The following TMEM132D variants were observed in gnomAD, a reference collection of about 807,000 sequenced individuals.
TMEM132D encodes transmembrane protein 132D, also known as mature OL transmembrane protein.
In TMEM132D, 21 loss-of-function variants were observed where a neutral mutation model predicts 62.3. That is an observed-to-expected ratio of 0.34 (90% CI 0.24 to 0.49). The LOEUF (loss-of-function observed/expected upper bound fraction) is 0.49. Ranked by LOEUF, TMEM132D falls within the 20% of genes least tolerant of loss-of-function variation. The pLI, the probability that TMEM132D is intolerant of heterozygous loss-of-function variation, is 0.99. For missense variants in TMEM132D, 1,346 were observed against 1,402.8 expected, an observed-to-expected ratio of 0.96 and a Z score of 0.65; for synonymous variants, 621 against 575.6, an observed-to-expected ratio of 1.08 and a Z score of -1.13.
chr12:129,568,666 A>C (rs2137117912), intron 2 of TMEM132D, among the ~76,000 whole-genome samples: 1 of 152,346 alleles, frequency 6.6e-6, no homozygotes, highest in East Asian at 1.9e-4. Flanking sequence ...ATTAAGCAAC[A>C]CAAACTTCTT....
At chr12:129,526,933 C>A (rs935872120) in intron 3 of TMEM132D, among the ~76,000 whole-genome samples, 8 of 152,188 alleles carry the variant, frequency 5.3e-5, no homozygotes, top group African/African-American at 1.9e-4. Context: ...GCCATTCCAG[C>A]TGTGGCCAGC....
intron 1 of TMEM132D, among the ~76,000 whole-genome samples, chr12:129,850,795 C>T (rs576875037): frequency 5.3e-5 from 8 of 152,244 alleles, no homozygotes; most frequent in East Asian, 1.9e-4. Context: ...TTGTTACCAA[C>T]GATGATTTAT....
At chr12:129,229,940 T>C (rs1177602124) in intron 4 of TMEM132D, among the ~76,000 whole-genome samples, 1 of 152,240 alleles carries the variant, frequency 6.6e-6, no homozygotes, top group Non-Finnish European at 1.5e-5. Context: ...ATACATTAAG[T>C]GCATTTTCTT....
chr12:129,241,025 C>T (rs1879922631), intron 4 of TMEM132D, among the ~76,000 whole-genome samples: 1 of 152,022 alleles, frequency 6.6e-6, no homozygotes, highest in South Asian at 2.1e-4. Flanking sequence ...CCATTTTCTC[C>T]TGCCTGTGTT....
At chr12:129,635,352 C>G (rs1879448708) in intron 2 of TMEM132D, among the ~76,000 whole-genome samples, 1 of 152,174 alleles carries the variant, frequency 6.6e-6, no homozygotes, top group Admixed American at 6.5e-5. Context: ...TCAGATTACA[C>G]AAACAACAAA....
chr12:129,895,676 C>G (rs776367135), intron 1 of TMEM132D, among the ~76,000 whole-genome samples: 2 of 152,190 alleles, frequency 1.3e-5, no homozygotes, highest in Non-Finnish European at 2.9e-5. Flanking sequence ...GACAGAGTGT[C>G]TTCATTTGTG....
intron 3 of TMEM132D, among the ~76,000 whole-genome samples, chr12:129,403,657 A>G (rs996441742): frequency 2.0e-5 from 3 of 152,156 alleles, no homozygotes; most frequent in Admixed American, 6.5e-5. Flanking sequence ...CCAGGGAAGA[A>G]CACGGGGAAA....
chr12:129,375,297 G>A (rs1423623829), intron 3 of TMEM132D, among the ~76,000 whole-genome samples: 1 of 152,206 alleles, frequency 6.6e-6, no homozygotes, highest in Non-Finnish European at 1.5e-5. Context: ...GCCCATTCAT[G>A]AGATTTTATG....
At chr12:129,502,304 T>C (rs545062386) in intron 3 of TMEM132D, among the ~76,000 whole-genome samples, 5 of 152,166 alleles carry the variant, frequency 3.3e-5, no homozygotes, top group Non-Finnish European at 5.9e-5. Flanking sequence ...CGGCCTTCTG[T>C]GACTTTCTTA....
chr12:129,228,046 A>C (rs1280275346), intron 4 of TMEM132D, among the ~76,000 whole-genome samples: 1 of 152,230 alleles, frequency 6.6e-6, no homozygotes, highest in Admixed American at 6.5e-5. Context: ...AAGATGATGA[A>C]TTTGTTTCCC....
chr12:129,103,000 C>T (rs552469266), intron 5 of TMEM132D, among the ~76,000 whole-genome samples: 1 of 152,314 alleles, frequency 6.6e-6, no homozygotes, highest in South Asian at 2.1e-4. Flanking sequence ...ACACAGGAGG[C>T]ATACATATCA....
At chr12:129,573,906 G>GA (rs915192342) in intron 2 of TMEM132D, among the ~76,000 whole-genome samples, 34 of 150,332 alleles carry the variant, frequency 2.3e-4, no homozygotes, top group East Asian at 7.8e-4. Flanking sequence ...CTCTAGGATG[G>GA]AAAAAAAAAG....
At chr12:129,223,175 G>A (rs938717266) in intron 4 of TMEM132D, among the ~76,000 whole-genome samples, 7 of 152,090 alleles carry the variant, frequency 4.6e-5, no homozygotes, top group African/African-American at 1.7e-4. Context: ...AACACAGGCC[G>A]GTCTTAGGAC....
intron 1 of TMEM132D, among the ~76,000 whole-genome samples, chr12:129,706,521 T>C (rs1159205680): frequency 3.9e-5 from 6 of 151,968 alleles, no homozygotes; most frequent in African/African-American, 1.4e-4. Flanking sequence ...CAAGTAGAAA[T>C]TGATAGTAAC....
At chr12:129,339,761 G>A (rs759779541) in intron 3 of TMEM132D, among the ~76,000 whole-genome samples, 20 of 152,156 alleles carry the variant, frequency 1.3e-4, no homozygotes, top group Non-Finnish European at 2.6e-4. Context: ...CTCCGTCTCC[G>A]AGTCTGTGGG....
intron 5 of TMEM132D, among the ~76,000 whole-genome samples, chr12:129,170,947 C>A (rs1005337359): frequency 3.3e-5 from 5 of 152,034 alleles, no homozygotes; most frequent in African/African-American, 1.2e-4. Flanking sequence ...AAGTTTGGGG[C>A]GGCTGTGGCA....
chr12:129,630,544 A>G (rs1035887287), intron 2 of TMEM132D, among the ~76,000 whole-genome samples: 1 of 152,192 alleles, frequency 6.6e-6, no homozygotes, highest in Non-Finnish European at 1.5e-5. Flanking sequence ...CAAAACACTG[A>G]GAGCTAGCAA....
intron 1 of TMEM132D, among the ~76,000 whole-genome samples, chr12:129,774,957 G>A (rs1413971715): frequency 6.6e-6 from 1 of 152,176 alleles, no homozygotes; most frequent in African/African-American, 2.4e-5. Flanking sequence ...TGAGGATTCA[G>A]TAAGTGTGGA....
intron 5 of TMEM132D, among the ~76,000 whole-genome samples, chr12:129,201,488 T>G (rs1878703489): frequency 6.6e-6 from 1 of 152,198 alleles, no homozygotes; most frequent in African/African-American, 2.4e-5. Context: ...AACTCCTCAT[T>G]GAGTTCATGT....
Sources: gnomAD v4.1 joint callset for allele counts (sites outside exome capture counted in the v4.1 genomes callset) on GRCh38, gnomAD v4.1.1 for gene constraint, MANE v1.5 for transcripts, NCBI Gene and HGNC (gene_info 2026-07-23, HGNC 2026-07-21) for gene names.